PIGA: variants seen among roughly 807,000 people sequenced by gnomAD.
PIGA encodes phosphatidylinositol glycan anchor biosynthesis class A.
Under a neutral mutation model 17.1 loss-of-function variants are expected in PIGA, and 3 were observed. The ratio of observed to expected loss-of-function variants is 0.18; its 90% CI spans 0.08 to 0.45. The LOEUF (loss-of-function observed/expected upper bound fraction) is 0.45. PIGA is among the 20% of genes least tolerant of loss of function. PIGA has a pLI of 0.99. For synonymous variants in PIGA, 126 were observed against 135.1 expected (o/e 0.93, Z 0.47); for missense variants, 231 against 374.1 (o/e 0.62, Z 3.16).
chrX:15,332,696 G>A (rs1922203881), intron 1 of PIGA, among the ~76,000 whole-genome samples: 1 of 112,347 alleles, frequency 8.9e-6, no homozygotes, highest in East Asian at 2.8e-4. Context: ...TAAAAAAGGT[G>A]TGGTGATTTC....
At chrX:15,330,239 A>G (rs1213528684) in intron 2 of PIGA, among the ~76,000 whole-genome samples, 1 of 112,119 alleles carries the variant, frequency 8.9e-6, no homozygotes, top group African/African-American at 3.2e-5. Flanking sequence ...ATGTTAAGCT[A>G]CTTGTCCTCG....
At position 15,331,640 on chromosome X, in the gene PIGA, C is replaced by T. The variant is rs779205409; in HGVS notation, c.291G>A (p.Met97Ile). The T allele has an allele frequency of 8.3e-7, 1 of 1,211,665 alleles. No individual in the cohort carries two copies. The highest frequency in any genetic ancestry group is 1.8e-5 in the South Asian group (1 of 57,010). ...LKVYYLPLKV[M>I]YNQSTATTLF... ...GGGTCGTGGCTGTAGACTGGTTGTA[C>T]ATGACTTTCAGAGGCAAGTAATAGA... Residue 97 changes from methionine (M) to isoleucine (I), a missense_variant, in exon 2 of 6, where the codon ATG (methionine) becomes ATA (isoleucine). By Grantham distance (10) the Met-to-Ile change is conservative. This residue lies in a region of PIGA where 29 missense variants were observed against 36.6 expected (regional missense o/e 0.79). Transcript: ENST00000333590.
In PIGA at chrX:15,321,635, C is replaced by T; in HGVS notation, c.1326G>A (p.Leu442=). 8.3e-7 allele frequency: 1 copy of T among 1,211,020 alleles called. No homozygotes were observed. Among genetic ancestry groups the T allele is most frequent in the South Asian group, 1.8e-5 (1 of 56,998 alleles). ...TGATAGAATCTGGAGTCATCCATCT[C>T]AAGAAAATGAGGAAGAGGAAGTTGA... is the stretch of plus-strand genomic sequence containing the variant. ...AVFNFLFLIF[L]RWMTPDSIID... is the part of the protein sequence containing the mutation. Residue 442 remains leucine (L), a synonymous_variant, in exon 6 of 6, where the codon TTG becomes TTA. Coordinates refer to ENST00000333590, the MANE Select transcript of PIGA (RefSeq NM_002641.4).
In PIGA at chrX:15,320,184, T is replaced by C. The variant is rs754979626; in HGVS notation, c.*1322A>G. On this transcript the variant is annotated 3_prime_UTR_variant, in exon 6 of 6. Transcript: ENST00000333590. ...TAAAAAGTAATAAATTTTGTGAATG[T>C]TGTCATTTTTAAAAATCCTATACAG... 1 of 112,841 alleles carries C rather than the reference T, an allele frequency of 8.9e-6. No homozygotes were observed. Among genetic ancestry groups the C allele is most frequent in the South Asian group, 3.6e-4 (1 of 2,779 alleles). The allele number at this position is 112,841 out of a possible 1,213,427, so 9.3% of individuals were successfully genotyped here.
At chrX:15,331,181 A>C in intron 2 of PIGA, 35 bp downstream of exon 2, 2 of 1,031,702 alleles carry the variant, frequency 1.9e-6, no homozygotes, top group Non-Finnish European at 1.3e-6. Flanking sequence ...TAGGGAAAAA[A>C]GTCTACAATG....
chrX:15,328,387 G>T (rs1445486157), intron 2 of PIGA: 2 of 112,292 alleles, frequency 1.8e-5, no homozygotes, highest in East Asian at 2.8e-4. Context: ...CATGCAGAGT[G>T]CTGGTAAATC....
chrX:15,323,473 G>A (rs1459923635), intron 5 of PIGA, among the ~76,000 whole-genome samples: 1 of 110,988 alleles, frequency 9.0e-6, no homozygotes, highest in South Asian at 3.8e-4. Flanking sequence ...AAGGCTGCCC[G>A]GGGACTCTGA....
intron 1 of PIGA, 169 bp downstream of exon 1, chrX:15,335,332 A>C: frequency 2.5e-6 from 1 of 405,630 alleles, no homozygotes; most frequent in Non-Finnish European, 3.8e-6. Flanking sequence ...TCCGCCCTAA[A>C]CGCACCCTCA....
Position 15,331,758 on chromosome X carries a change from T to C in PIGA, c.173A>G (p.Gln58Arg). The change falls in exon 2 of 6, where the codon CAG (glutamine) becomes CGG (arginine). Residue 58 changes from glutamine to arginine, a missense_variant. Physicochemically the swap from Gln to Arg is conservative, Grantham distance 43. Around this residue, in one of 5 missense-constraint regions of PIGA, gnomAD observed 29 missense variants for 36.6 expected, o/e 0.79. Transcript: ENST00000333590. ...GVESHIYQLS[Q>R]CLIERGHKVI... The stretch of plus-strand genomic sequence containing the variant: ...CTTATGCCCTCTTTCAATCAGGCAC[T>C]GAGAGAGCTGGTAAATGTGGCTTTC... 1 of 1,212,164 alleles carries C rather than the reference T, an allele frequency of 8.2e-7. No homozygotes were observed. The highest frequency in any genetic ancestry group is 1.1e-6 in the Non-Finnish European group (1 of 895,529).
At chrX:15,330,421 C>A (rs1301677570) in intron 2 of PIGA, among the ~76,000 whole-genome samples, 1 of 112,221 alleles carries the variant, frequency 8.9e-6, no homozygotes, top group Non-Finnish European at 1.9e-5. Flanking sequence ...TATGTACGTA[C>A]ACATAAAAAA....
chrX:15,330,688 C>T (rs1458059435), intron 2 of PIGA, among the ~76,000 whole-genome samples: 2 of 111,404 alleles, frequency 1.8e-5, no homozygotes, highest in East Asian at 2.8e-4. Flanking sequence ...CTGCAAGCTC[C>T]GCCTCCCAGG....
chrX:15,328,510 G>A (rs1032723021), intron 2 of PIGA: 6 of 112,046 alleles, frequency 5.4e-5, no homozygotes, highest in African/African-American at 1.9e-4. Context: ...CATTCCAGTG[G>A]GACTTTGATA....
intron 1 of PIGA, among the ~76,000 whole-genome samples, chrX:15,332,713 G>T (rs1922204634): frequency 1.8e-5 from 2 of 112,255 alleles, no homozygotes; most frequent in African/African-American, 6.5e-5. Context: ...TTTCCAAGGT[G>T]TGGTGGTTTT....
intron 5 of PIGA, among the ~76,000 whole-genome samples, chrX:15,322,597 T>C (rs1459350665): frequency 3.6e-5 from 4 of 112,015 alleles, no homozygotes; most frequent in Non-Finnish European, 5.6e-5. Context: ...TACTTGTGCT[T>C]AGTCTCATAT....
chrX:15,333,741 T>C (rs1298262467), intron 1 of PIGA, among the ~76,000 whole-genome samples: 2 of 112,380 alleles, frequency 1.8e-5, no homozygotes, highest in Non-Finnish European at 3.8e-5. Flanking sequence ...AGGGTGATTA[T>C]GTAACTGCTC....
At chrX:15,334,691 CAG>C (rs1007806344) in intron 1 of PIGA, among the ~76,000 whole-genome samples, 2 of 112,091 alleles carry the variant, frequency 1.8e-5, no homozygotes, top group African/African-American at 3.2e-5. Flanking sequence ...ATAGCAAAAA[CAG>C]TGAGTAATGA....
At chrX:15,334,976 T>C (rs1922289481) in intron 1 of PIGA, among the ~76,000 whole-genome samples, 1 of 112,043 alleles carries the variant, frequency 8.9e-6, no homozygotes, top group African/African-American at 3.3e-5. Context: ...CGTAAAATTC[T>C]CGACCACGAC....
chrX:15,334,035 A>G (rs1922249248), intron 1 of PIGA, among the ~76,000 whole-genome samples: 1 of 111,317 alleles, frequency 9.0e-6, no homozygotes, highest in Non-Finnish European at 1.9e-5. Context: ...TTTACAAATG[A>G]GATTTCCAAG....
At position 15,323,448 on chromosome X, in the gene PIGA, TAGAG is replaced by T. The variant is rs1921876036; in HGVS notation, c.1188+1213_1188+1216del. 3.6e-5 allele frequency among the ~76,000 whole-genome samples: 4 copies of T among 110,470 alleles called. No homozygotes were observed. In the South Asian group the frequency reaches 1.6e-3, roughly 43 times the overall value. On this transcript the variant is annotated intron_variant, in intron 5 of 5. Transcript: ENST00000333590. ...GAGGCAGGGGGACATCAAGATGGAG[TAGAG>T]AGAGTCTGAAAAGGCTGCCCGGGGA...
Sources: gnomAD v4.1 joint callset for allele counts (sites outside exome capture counted in the v4.1 genomes callset) on GRCh38, gnomAD v4.1.1 for gene constraint, gnomAD v4.1.1 regional missense constraint, MANE v1.5 for transcripts, NCBI Gene and HGNC (gene_info 2026-07-23, HGNC 2026-07-21) for gene names.